The following GSDMC variants were observed in gnomAD, a reference collection of about 807,000 sequenced individuals.
GSDMC encodes gasdermin-C.
Under a neutral mutation model 58.0 loss-of-function variants are expected in GSDMC, and 59 were observed. The observed-to-expected ratio is 1.02, with a 90% CI of 0.82 to 1.26. The LOEUF (loss-of-function observed/expected upper bound fraction) is 1.26, where lower values mean the gene tolerates loss of function less well. GSDMC is among the 50% of genes most tolerant of loss of function. The pLI is 0.00. For synonymous variants in GSDMC, 241 were observed against 220.2 expected, an observed-to-expected ratio of 1.09 and a Z score of -0.83; for missense variants, 659 against 598.5, an observed-to-expected ratio of 1.10 and a Z score of -1.06.
At chr8:129,712,893 C>T in the GSDMC span, among the ~76,000 whole-genome samples, 17 of 152,326 alleles carry the variant, frequency 1.1e-4, no homozygotes, top group South Asian at 3.3e-3. Flanking sequence ...TGAGAGGTTC[C>T]AGCTGGCAGT....
downstream of GSDMC, among the ~76,000 whole-genome samples, chr8:129,747,042 G>A (rs555439737): frequency 6.6e-6 from 1 of 151,366 alleles, no homozygotes; most frequent in African/African-American, 2.4e-5. Flanking sequence ...TTGAGGCCAG[G>A]AGTTCAAGAC....
At chr8:129,769,971 G>A (rs1395153110) in intron 3 of GSDMC, among the ~76,000 whole-genome samples, 1 of 152,000 alleles carries the variant, frequency 6.6e-6, no homozygotes, top group African/African-American at 2.4e-5. Flanking sequence ...CATCAGTAAA[G>A]GAAAATATAT....
rs200714543 is a variant in GSDMC, at chr8:129,777,544, T to C, written c.44A>G (p.Glu15Gly). 2.9e-4 allele frequency: 473 copies of C among 1,613,050 alleles called. No individual in the cohort carries two copies. The highest frequency in any genetic ancestry group is 3.8e-4 in the Non-Finnish European group (449 of 1,179,426). Residue 15 changes from glutamate (E) to glycine (G), a missense_variant, in exon 2 of 14, where the codon GAG becomes GGG. By Grantham distance (98) the Glu-to-Gly change is moderately conservative (BLOSUM62 -2). Transcript: ENST00000276708. The stretch of plus-strand genomic sequence containing the variant: ...AGGTGTCAGGTCTTTGCTTCCAATC[T>C]CTTTGACCAAATTTTTGCTAATGCG... ...LERISKNLVK[E>G]IGSKDLTPVK...
the GSDMC span, among the ~76,000 whole-genome samples, chr8:129,712,216 T>G: frequency 6.6e-6 from 1 of 152,274 alleles, no homozygotes; most frequent in African/African-American, 2.4e-5. Flanking sequence ...ACTTATTCAA[T>G]ACGTGGCATA....
At chr8:129,717,951 G>A in the GSDMC span, among the ~76,000 whole-genome samples, 1 of 152,106 alleles carries the variant, frequency 6.6e-6, no homozygotes. Context: ...AAATGGTGTT[G>A]GGGAAACTGG....
At chr8:129,759,022 C>A (rs1277444222) in intron 6 of GSDMC, among the ~76,000 whole-genome samples, 1 of 152,000 alleles carries the variant, frequency 6.6e-6, no homozygotes, top group Non-Finnish European at 1.5e-5. Context: ...AGACCCATAA[C>A]CAAAGGAACA....
chr8:129,761,199 G>A (rs1450822521), intron 5 of GSDMC, among the ~76,000 whole-genome samples: 1 of 152,168 alleles, frequency 6.6e-6, no homozygotes, highest in Non-Finnish European at 1.5e-5. Context: ...GATGCAAGGA[G>A]TGGAGATACA....
chr8:129,781,537 G>A (rs1485618077), intron 1 of GSDMC, among the ~76,000 whole-genome samples: 1 of 152,138 alleles, frequency 6.6e-6, no homozygotes, highest in Non-Finnish European at 1.5e-5. Context: ...GAGGTCAGGA[G>A]ATCGAGACCG....
chr8:129,717,780 G>A, the GSDMC span, among the ~76,000 whole-genome samples: 2,095 of 152,176 alleles, frequency 0.014, 52 homozygotes, highest in African/African-American at 0.048. Flanking sequence ...ACACTACAAG[G>A]CTACAGTAAC....
At chr8:129,709,575 TGATAGATAGATAGATGATA>T in the GSDMC span, among the ~76,000 whole-genome samples, 20 of 148,620 alleles carry the variant, frequency 1.3e-4, no homozygotes, top group African/African-American at 4.5e-4. Flanking sequence ...AGATGATAGA[TGATAGATAGATAGATGATA>T]GATAGATAGA....
chr8:129,751,846 G>T lies in GSDMC; in HGVS notation c.916+16C>A. The T allele has an allele frequency of 1.5e-6, 2 of 1,304,108 alleles. No individual in the cohort carries two copies. The highest frequency in any genetic ancestry group is 2.2e-6 in the Non-Finnish European group (2 of 900,296). 80.8% of individuals were successfully genotyped at this position (1,304,108 alleles called of 1,614,324 possible). A position where few individuals can be genotyped will look rare whatever the true frequency, so the allele number is the denominator to read the frequency against. ...GATGGGATCCCCACCCCCACCTCCA[G>T]CAAACTCACACTCACCTACTGGGAG... On this transcript the variant is annotated intron_variant, in intron 9 of 13. Transcript: ENST00000276708.
At chr8:129,706,814 T>A in the GSDMC span, among the ~76,000 whole-genome samples, 2 of 152,194 alleles carry the variant, frequency 1.3e-5, no homozygotes, top group African/African-American at 4.8e-5. Context: ...TCTCTCTACC[T>A]CCTGTATTTC....
downstream of GSDMC, among the ~76,000 whole-genome samples, chr8:129,745,270 G>A (rs1186884110): frequency 2.0e-5 from 3 of 152,320 alleles, no homozygotes; most frequent in East Asian, 5.8e-4. Context: ...GCTTCCAAGT[G>A]TCACATTCTC....
At chr8:129,774,268 T>A (rs1003008408) in intron 3 of GSDMC, among the ~76,000 whole-genome samples, 30 of 152,056 alleles carry the variant, frequency 2.0e-4, no homozygotes, top group African/African-American at 6.5e-4. Context: ...TCAACTAATA[T>A]CTGACAAGCG....
intron 3 of GSDMC, among the ~76,000 whole-genome samples, chr8:129,767,158 T>C (rs1265542296): frequency 1.3e-5 from 2 of 152,074 alleles, no homozygotes; most frequent in Non-Finnish European, 2.9e-5. Flanking sequence ...GAGCCCAACC[T>C]AAGTTCCTTG....
chr8:129,764,651 G>A (rs1586597372), intron 4 of GSDMC, among the ~76,000 whole-genome samples: 1 of 152,262 alleles, frequency 6.6e-6, no homozygotes, highest in African/African-American at 2.4e-5. Flanking sequence ...GGCTCTGAGT[G>A]TTCCTTATAA....
At chr8:129,720,520 T>C in the GSDMC span, among the ~76,000 whole-genome samples, 1 of 152,276 alleles carries the variant, frequency 6.6e-6, no homozygotes, top group Admixed American at 6.5e-5. Flanking sequence ...ATAAGAATAA[T>C]TCCACATACA....
intron 1 of GSDMC, among the ~76,000 whole-genome samples, chr8:129,781,144 G>T (rs996767149): frequency 6.6e-6 from 1 of 151,562 alleles, no homozygotes; most frequent in African/African-American, 2.4e-5. Context: ...AAAACAACCA[G>T]AAAACAAAAA....
chr8:129,741,220 A>G, the GSDMC span, among the ~76,000 whole-genome samples: 4 of 152,090 alleles, frequency 2.6e-5, no homozygotes, highest in Non-Finnish European at 5.9e-5. Context: ...TTGTAATGCC[A>G]GTACCATGTT....
Sources: gnomAD v4.1 joint callset for allele counts (sites outside exome capture counted in the v4.1 genomes callset) on GRCh38, gnomAD v4.1.1 for gene constraint, MANE v1.5 for transcripts, NCBI Gene and HGNC (gene_info 2026-07-23, HGNC 2026-07-21) for gene names.